Variants in FAR2 observed in about 807,000 individuals in gnomAD.
The protein encoded by FAR2 is epididymis secretory protein Li 81.
FAR2 carries 19 observed loss-of-function variants against 56.0 expected under a neutral mutation model. The observed-to-expected ratio is 0.34, with a 90% CI of 0.24 to 0.50. The LOEUF is 0.50. Ranked by LOEUF, FAR2 falls within the 20% of genes least tolerant of loss-of-function variation. FAR2 has a pLI of 0.98. For synonymous variants in FAR2, 219 were observed against 218.8 expected, an observed-to-expected ratio of 1.00 and a Z score of -0.01; for missense variants, 508 against 642.2, an observed-to-expected ratio of 0.79 and a Z score of 2.26.
Position 29,184,693 on chromosome 12 carries a change from T to A in FAR2, c.-39+35286T>A, listed in dbSNP as rs538616489. Among the ~76,000 whole-genome samples, 126 of 152,154 alleles carry A rather than the reference T, an allele frequency of 8.3e-4. 1 individual carries two copies. The highest frequency in any genetic ancestry group is 2.9e-3 in the African/African-American group (119 of 41,512). On this transcript the variant is annotated intron_variant, in intron 1 of 11. Transcript: ENST00000536681. ...ATCAAGCGATCCACCCACCTTAGCC[T>A]CCTAAGGTACTGGGATTACAGGCGT...
chr12:29,150,847 C>G (rs936258810), intron 1 of FAR2, among the ~76,000 whole-genome samples: 2 of 152,100 alleles, frequency 1.3e-5, no homozygotes, highest in Non-Finnish European at 2.9e-5. Context: ...TAACATTGGG[C>G]TATAATTATC....
chr12:29,179,448 C>A lies in FAR2; in HGVS notation c.-39+30041C>A, dbSNP rs188988500. 2.4e-4 allele frequency among the ~76,000 whole-genome samples: 37 copies of A among 152,294 alleles called. No homozygotes were observed. The East Asian group carries it at 3.5e-3, about 14-fold the overall frequency. ...CTATGCCAGGTTCTTTACATACATT[C>A]CCATTAAGCCTCACAACAAAGCAAC... On this transcript the variant is annotated intron_variant, in intron 1 of 11. Coordinates refer to ENST00000536681, the MANE Select transcript of FAR2 (RefSeq NM_001271783.2).
intron 10 of FAR2, chr12:29,331,596 A>AT (rs759708080): frequency 6.6e-6 from 1 of 152,064 alleles, no homozygotes; most frequent in Non-Finnish European, 1.5e-5. Context: ...AATCAAAACT[A>AT]TTTTTTCTAA....
At chr12:29,184,542 C>T (rs35763553) in intron 1 of FAR2, among the ~76,000 whole-genome samples, 5,819 of 142,252 alleles carry the variant, frequency 0.041, 328 homozygotes, top group African/African-American at 0.13. Context: ...TCAAATGATT[C>T]TCCTGCCTCA....
chr12:29,293,799 T>C (rs1259238940), intron 3 of FAR2, among the ~76,000 whole-genome samples: 1 of 152,204 alleles, frequency 6.6e-6, no homozygotes, highest in Non-Finnish European at 1.5e-5. Context: ...TCTATTATAA[T>C]TTGTAATGAT....
At chr12:29,262,997 T>A (rs898179350) in intron 1 of FAR2, among the ~76,000 whole-genome samples, 11 of 152,178 alleles carry the variant, frequency 7.2e-5, no homozygotes, top group Admixed American at 6.5e-5. Flanking sequence ...CACTTATAGC[T>A]ATATTTATAC....
intron 1 of FAR2, among the ~76,000 whole-genome samples, chr12:29,173,720 A>T (rs1243339530): frequency 6.6e-6 from 1 of 152,120 alleles, no homozygotes; most frequent in Non-Finnish European, 1.5e-5. Context: ...CCTGAAAGAC[A>T]AAACCGTCCG....
chr12:29,198,938 G>A (rs79699384), intron 1 of FAR2, among the ~76,000 whole-genome samples: 5,893 of 152,178 alleles, frequency 0.039, 328 homozygotes, highest in African/African-American at 0.13. Flanking sequence ...CTGTGTGCCA[G>A]GTGCTAGGCA....
chr12:29,175,433 T>A lies in FAR2; in HGVS notation c.-39+26026T>A, dbSNP rs1378378494. Among the ~76,000 whole-genome samples, 3 of 152,298 alleles carry A rather than the reference T, an allele frequency of 2.0e-5. No homozygotes were observed. The East Asian group carries it at 5.8e-4, about 29-fold the overall frequency. On this transcript the variant is annotated intron_variant, in intron 1 of 11. Transcript: ENST00000536681. Reference sequence around the variant, plus strand: ...AGACCTTCACGGCAAGTGTTACAGCTCTTAAAGGTGGTGTGGACCCAAAGA... The same window carrying A: ...AGACCTTCACGGCAAGTGTTACAGCACTTAAAGGTGGTGTGGACCCAAAGA...
intron 1 of FAR2, among the ~76,000 whole-genome samples, chr12:29,163,205 G>A (rs796161735): frequency 7.9e-5 from 12 of 152,312 alleles, no homozygotes; most frequent in African/African-American, 1.4e-4. Context: ...ATGTGTGACC[G>A]TGGACAAATC....
chr12:29,307,441 A>C (rs925968636), intron 4 of FAR2, among the ~76,000 whole-genome samples: 2 of 151,708 alleles, frequency 1.3e-5, no homozygotes, highest in Non-Finnish European at 2.9e-5. Flanking sequence ...ATCTGTTTGG[A>C]TGGGAGGGCA....
chr12:29,233,360 C>A (rs940976691), intron 1 of FAR2, among the ~76,000 whole-genome samples: 1 of 152,146 alleles, frequency 6.6e-6, no homozygotes, highest in Non-Finnish European at 1.5e-5. Context: ...CCCTGGTCAT[C>A]TTTTCACAGT....
intron 1 of FAR2, among the ~76,000 whole-genome samples, chr12:29,244,407 C>T (rs893796440): frequency 6.6e-6 from 1 of 152,178 alleles, no homozygotes; most frequent in Non-Finnish European, 1.5e-5. Context: ...AGTGATTTAA[C>T]AGAAATATGT....
intron 1 of FAR2, among the ~76,000 whole-genome samples, chr12:29,193,903 C>T (rs1950122805): frequency 6.6e-6 from 1 of 152,154 alleles, no homozygotes; most frequent in Non-Finnish European, 1.5e-5. Context: ...ACATTCTCAC[C>T]ATCATTTGGT....
chr12:29,317,041 G>A (rs1949462726), intron 9 of FAR2, 29 bp downstream of exon 9: 2 of 1,599,190 alleles, frequency 1.3e-6, no homozygotes, highest in African/African-American at 2.7e-5. Context: ...GGCTTTGAGA[G>A]TGTCACTGCA....
In FAR2 at chr12:29,293,413, TC is replaced by T; in HGVS notation, c.304del (p.Leu102SerfsTer6). On this transcript the variant is annotated frameshift_variant, in exon 3 of 12. Transcript: ENST00000536681. LOFTEE classifies it high-confidence loss of function. The stretch of plus-strand genomic sequence containing the variant: ...TCAGCAAAGAGGACATGCAGGAGCT[TC>T]TCTCCTGTACAAACATAATATTTCA... ...AISKEDMQEL[L>X]SCTNIIFHCA... The T allele has an allele frequency of 6.2e-7, 1 of 1,611,986 alleles. No homozygotes were observed. Among genetic ancestry groups the T allele is most frequent in the East Asian group, 2.2e-5 (1 of 44,730 alleles).
At chr12:29,324,925 A>C (rs958124633) in intron 10 of FAR2, among the ~76,000 whole-genome samples, 2 of 152,248 alleles carry the variant, frequency 1.3e-5, no homozygotes, top group African/African-American at 4.8e-5. Context: ...TAAATGGGCT[A>C]AATGCTCCAA....
At chr12:29,306,950 G>T (rs1036424343) in intron 4 of FAR2, among the ~76,000 whole-genome samples, 2 of 152,168 alleles carry the variant, frequency 1.3e-5, no homozygotes, top group African/African-American at 4.8e-5. Context: ...GCATTACATA[G>T]GTTTGCTAAA....
In FAR2 at chr12:29,316,981, T is replaced by TGCTATCTGC. The variant is rs1460452417; in HGVS notation, c.1098_1106dup (p.Tyr367_Arg369dup). 4 of 1,613,576 alleles carry TGCTATCTGC rather than the reference T, an allele frequency of 2.5e-6. No homozygotes were observed. Among genetic ancestry groups the TGCTATCTGC allele is most frequent in the Admixed American group, 3.3e-5 (2 of 59,958 alleles). ...CCGGGCCCCTGCCATTATCTATGAC[T>TGCTATCTGC]GCTATCTGCGGCTCACTGGAAGGAA... is the stretch of plus-strand genomic sequence containing the variant. On this transcript the variant is annotated inframe_insertion, in exon 9 of 12. Transcript: ENST00000536681.
Sources: gnomAD v4.1 joint callset for allele counts (sites outside exome capture counted in the v4.1 genomes callset) on GRCh38, gnomAD v4.1.1 for gene constraint, MANE v1.5 for transcripts, NCBI Gene and HGNC (gene_info 2026-07-23, HGNC 2026-07-21) for gene names.